Variants in ZNF414 observed in about 807,000 individuals in gnomAD.
The protein encoded by ZNF414 is zinc finger protein 414.
Under a neutral mutation model 38.3 loss-of-function variants are expected in ZNF414, and 32 were observed. That is an observed-to-expected ratio of 0.83 (90% CI 0.63 to 1.12). The LOEUF (loss-of-function observed/expected upper bound fraction) is 1.12. Ranked by LOEUF, ZNF414 falls within the 50% of genes most tolerant of loss-of-function variation. The pLI is 0.00. For missense variants in ZNF414, 589 were observed against 557.4 expected (o/e 1.06, Z -0.57); for synonymous variants, 256 against 248.0 (o/e 1.03, Z -0.30).
chr19:8,511,082 G>T, intron 6 of ZNF414, 58 bp from the exon 7 acceptor site: 1 of 1,285,204 alleles, frequency 7.8e-7, no homozygotes, highest in Non-Finnish European at 9.8e-7. Flanking sequence ...AGACCCGTGC[G>T]CCAAGGATGG....
At position 8,510,593 on chromosome 19, in the gene ZNF414, C is replaced by G; in HGVS notation, c.*98G>C. ...GAACACAGCATAGGCTGGCTCATGG[C>G]GCCTTCTTTATTGTCCACCCCAGCC... On this transcript the variant is annotated 3_prime_UTR_variant, in exon 8 of 8. Coordinates refer to ENST00000393927, the MANE Select transcript of ZNF414 (RefSeq NM_001146175.2). 5 of 1,349,412 alleles carry G rather than the reference C, an allele frequency of 3.7e-6. No homozygotes were observed. In the South Asian group the frequency reaches 6.9e-5, roughly 19 times the overall value. 83.6% of individuals were successfully genotyped at this position (1,349,412 alleles called of 1,614,324 possible).
At position 8,511,651 on chromosome 19, in the gene ZNF414, C is replaced by T. The variant is rs754032186; in HGVS notation, c.840G>A (p.Pro280=). 1.3e-5 allele frequency: 19 copies of T among 1,502,426 alleles called. No individual in the cohort carries two copies. Among genetic ancestry groups the T allele is most frequent in the African/African-American group, 2.8e-5 (2 of 70,754 alleles). 93.1% of individuals were successfully genotyped at this position (1,502,426 alleles called of 1,614,324 possible). The change falls in exon 5 of 8, where the codon CCG becomes CCA. Residue 280 remains proline (P), a synonymous_variant. Coordinates refer to ENST00000393927, the MANE Select transcript of ZNF414 (RefSeq NM_001146175.2). ...TTTTCCAGACGGCGGCGCTGGAAGC[C>T]GGCGGCCCGGGTGCAGCGGCCAGGA... ...RPFLAAAPGP[P]ASSAAVWKKS...
Position 8,514,071 on chromosome 19 carries a change from T to A in ZNF414, c.-25A>T. On this transcript the variant is annotated 5_prime_UTR_variant, in exon 1 of 8. Coordinates refer to ENST00000393927, the MANE Select transcript of ZNF414 (RefSeq NM_001146175.2). ...TCTTCGACACGGCTCGGCCTCTTGT[T>A]TCTGCGGCTCCGGCGGCTGCAGCTT... 6.8e-7 allele frequency: 1 copy of A among 1,472,380 alleles called. No homozygotes were observed. Among genetic ancestry groups the A allele is most frequent in the Non-Finnish European group, 9.0e-7 (1 of 1,112,660 alleles). 91.2% of individuals were successfully genotyped at this position (1,472,380 alleles called of 1,614,324 possible).
At chr19:8,510,803 G>T (rs1173226838) in intron 7 of ZNF414, 39 bp from the exon 8 acceptor site, 1 of 1,505,434 alleles carries the variant, frequency 6.6e-7, no homozygotes, top group Non-Finnish European at 8.9e-7. Flanking sequence ...GAGCCTCAGC[G>T]CCTTGGGCCC....
rs1971953486 is a variant in ZNF414 at position 8,513,904 on chromosome 19, G to T, written c.3+140C>A. 2.8e-6 allele frequency: 3 copies of T among 1,076,316 alleles called. No individual in the cohort carries two copies. In the East Asian group the frequency reaches 9.7e-5, roughly 35 times the overall value. The allele number at this position is 1,076,316 out of a possible 1,614,324, so 66.7% of individuals were successfully genotyped here. ...ATTCCGGGCCGGGCCCGGAAGTAGG[G>T]CGCTCTCCGAGTGACAGCCAGCGGC... On this transcript the variant is annotated intron_variant, in intron 1 of 7. Transcript: ENST00000393927.
In ZNF414 at chr19:8,512,192, G is replaced by A. The variant is rs1434367927; in HGVS notation, c.530+195C>T. On this transcript the variant is annotated intron_variant, in intron 4 of 7. Coordinates refer to ENST00000393927, the MANE Select transcript of ZNF414 (RefSeq NM_001146175.2). Reference sequence around the variant, plus strand: ...TAGGCGGCCGGTTTTCCACTTGGGAGGTAAAGCCTGGCTGGGTGGGGCCAC... The same window carrying A: ...TAGGCGGCCGGTTTTCCACTTGGGAAGTAAAGCCTGGCTGGGTGGGGCCAC... 29 of 1,431,478 alleles carry A rather than the reference G, an allele frequency of 2.0e-5. 1 individual carries two copies. The South Asian group carries it at 3.5e-4, about 17-fold the overall frequency. The allele number at this position is 1,431,478 out of a possible 1,614,324, so 88.7% of individuals were successfully genotyped here.
At position 8,511,748 on chromosome 19, in the gene ZNF414, G is replaced by T; in HGVS notation, c.743C>A (p.Ala248Asp). The T allele has an allele frequency of 6.2e-6, 9 of 1,454,770 alleles. No homozygotes were observed. Among genetic ancestry groups the T allele is most frequent in the Non-Finnish European group, 8.1e-6 (9 of 1,111,370 alleles). The allele number at this position is 1,454,770 out of a possible 1,614,324, so 90.1% of individuals were successfully genotyped here. Residue 248 changes from alanine to aspartate, a missense_variant, in exon 5 of 8, where the codon GCC (alanine) becomes GAC (aspartate). Physicochemically the swap from Ala to Asp is moderately radical, Grantham distance 126. Transcript: ENST00000393927. ...LLEPFTTPAP[A>D]PTGPFLPYLN... ...GTAGGGCAGGAACGGTCCGGTGGGG[G>T]CAGGGGCGGGGGTCGTGAAGGGTTC...
At chr19:8,511,992 G>T (rs1041996441) in intron 4 of ZNF414, 32 bp from the exon 5 acceptor site, 1 of 1,401,222 alleles carries the variant, frequency 7.1e-7, no homozygotes, top group South Asian at 1.7e-5. Flanking sequence ...GGCTGGGCTG[G>T]GCCTCCAGGG....
rs1263550284 is a variant in ZNF414, at chr19:8,512,431, C to T, written c.486G>A (p.Leu162=). 1 of 1,614,138 alleles carries T rather than the reference C, an allele frequency of 6.2e-7. No homozygotes were observed. The highest frequency in any genetic ancestry group is 1.3e-5 in the African/African-American group (1 of 75,034). The change falls in exon 4 of 8, where the codon CTG becomes CTA. Residue 162 remains leucine (L), a synonymous_variant. Transcript: ENST00000393927. ...CTETFPSMQE[L]VAHSKLHYKP... The stretch of plus-strand genomic sequence containing the variant: ...TGTAGTGCAGTTTGCTGTGAGCCAC[C>T]AGCTCCTGCATGCTGGGGAAGGTCT...
intron 6 of ZNF414, 135 bp from the exon 7 acceptor site, chr19:8,511,159 T>C: frequency 7.8e-7 from 1 of 1,286,850 alleles, no homozygotes; most frequent in Non-Finnish European, 9.8e-7. Context: ...CCTAGTTCAG[T>C]TTCTCCCGGG....
chr19:8,510,617 C>G lies in ZNF414; in HGVS notation c.*74G>C. On this transcript the variant is annotated 3_prime_UTR_variant, in exon 8 of 8. Transcript: ENST00000393927. ...GCGCCTTCTTTATTGTCCACCCCAG[C>G]CCCCCTTCCCTGCAGCCCCCTCCAA... The G allele has an allele frequency of 5.9e-6, 8 of 1,362,032 alleles. No homozygotes were observed. The highest frequency in any genetic ancestry group is 1.5e-5 in the African/African-American group (1 of 68,262). 84.4% of individuals were successfully genotyped at this position (1,362,032 alleles called of 1,614,324 possible).
Position 8,513,331 on chromosome 19 carries a change from G to T in ZNF414, c.14C>A (p.Pro5His). 1 of 1,589,230 alleles carries T rather than the reference G, an allele frequency of 6.3e-7. No individual in the cohort carries two copies. ...CAGCATGTCTGGGATGGGCCCTGAGGGTTTCTCCTCCTGGTGGAAGGAAGA... is the reference window on the plus strand; with the variant it reads ...CAGCATGTCTGGGATGGGCCCTGAGTGTTTCTCCTCCTGGTGGAAGGAAGA... MEEK[P>H]SGPIPDMLAT... Residue 5 changes from proline (P) to histidine (H), a missense_variant, in exon 2 of 8, where the codon CCC (proline) becomes CAC (histidine). Pro to His is a moderately conservative substitution (Grantham distance 77, BLOSUM62 -2). Coordinates refer to ENST00000393927, the MANE Select transcript of ZNF414 (RefSeq NM_001146175.2).
intron 6 of ZNF414, chr19:8,511,247 G>C: frequency 7.3e-7 from 1 of 1,375,846 alleles, no homozygotes; most frequent in South Asian, 1.6e-5. Context: ...TTCACTGTTG[G>C]GGAGAAGCCC....
At chr19:8,511,564 GAGTC>G in intron 5 of ZNF414, 28 bp from the exon 6 acceptor site, 1 of 1,569,472 alleles carries the variant, frequency 6.4e-7, no homozygotes, top group East Asian at 2.3e-5. Context: ...GTCAAGTTCA[GAGTC>G]AGGGCGAGCC....
Position 8,511,774 on chromosome 19 carries a change from C to A in ZNF414, c.717G>T (p.Leu239=), listed in dbSNP as rs1971918604. The A allele has an allele frequency of 7.0e-7, 1 of 1,426,706 alleles. No individual in the cohort carries two copies. The highest frequency in any genetic ancestry group is 2.7e-5 in the East Asian group (1 of 36,954). 88.4% of individuals were successfully genotyped at this position (1,426,706 alleles called of 1,614,324 possible). ...CAGGGGCGGGGGTCGTGAAGGGTTC[C>A]AGCAGCGGGAACGGCAGGCCCGGCG... ...ASAPGLPFPL[L]EPFTTPAPAP... is the part of the protein sequence containing the mutation. The change falls in exon 5 of 8, where the codon CTG becomes CTT. Residue 239 remains leucine, a synonymous_variant. Transcript: ENST00000393927.
chr19:8,512,394 A>G lies in ZNF414; in HGVS notation c.523T>C (p.Tyr175His). 6.2e-7 allele frequency: 1 copy of G among 1,614,082 alleles called. No individual in the cohort carries two copies. Among genetic ancestry groups the G allele is most frequent in the South Asian group, 1.1e-5 (1 of 91,082 alleles). ...HSKLHYKPNR[Y>H]FKCENCLLRF... ...AAGAGGTCAGGGTCTCACTTGAAGT[A>G]GCGATTGGGTTTGTAGTGCAGTTTG... The change falls in exon 4 of 8, where the codon TAC becomes CAC. Residue 175 changes from tyrosine (Y) to histidine (H), a missense_variant. Transcript: ENST00000393927.
At position 8,510,707 on chromosome 19, in the gene ZNF414, A is replaced by C. The variant is rs1971900484; in HGVS notation, c.1157T>G (p.Val386Gly). Residue 386 changes from valine to glycine, a missense_variant, in exon 8 of 8, where the codon GTG becomes GGG. Transcript: ENST00000393927. ...SPLLSEGELP[V>G]FSQL is the part of the protein sequence containing the mutation. ...CGGCGGGATTCAGAGCTGCGAGAAC[A>C]CTGGAAGCTCCCCCTCTGACAGCAG... The C allele has an allele frequency of 1.3e-5, 20 of 1,547,132 alleles. No homozygotes were observed. Among genetic ancestry groups the C allele is most frequent in the Non-Finnish European group, 1.7e-5 (20 of 1,144,456 alleles).
Position 8,511,937 on chromosome 19 carries a change from A to C in ZNF414, c.554T>G (p.Phe185Cys). Residue 185 changes from phenylalanine (F) to cysteine (C), a missense_variant, in exon 5 of 8, where the codon TTC (phenylalanine) becomes TGC (cysteine). By Grantham distance (205) the Phe-to-Cys change is radical. Transcript: ENST00000393927. ...CTTGAAGAGCGAGCGGTGCGTGCGG[A>C]AGCGCAGGAGGCAGTTCTCACACCT... is the stretch of plus-strand genomic sequence containing the variant. Reference protein sequence around the residue: ...YFKCENCLLRFRTHRSLFKHL... With the variant: ...YFKCENCLLRCRTHRSLFKHL... 1 of 1,421,782 alleles carries C rather than the reference A, an allele frequency of 7.0e-7. No homozygotes were observed. The highest frequency in any genetic ancestry group is 9.1e-7 in the Non-Finnish European group (1 of 1,096,810). 88.1% of individuals were successfully genotyped at this position (1,421,782 alleles called of 1,614,324 possible).
chr19:8,510,755 G>A lies in ZNF414; in HGVS notation c.1109C>T (p.Pro370Leu), dbSNP rs376259901. The A allele has an allele frequency of 6.5e-5, 101 of 1,549,432 alleles. No individual in the cohort carries two copies. The African/African-American group carries it at 1.2e-3, about 19-fold the overall frequency. The change falls in exon 8 of 8, where the codon CCG (proline) becomes CTG (leucine). Residue 370 changes from proline (P) to leucine (L), a missense_variant. Coordinates refer to ENST00000393927, the MANE Select transcript of ZNF414 (RefSeq NM_001146175.2). ...PRPDAPADPA[P>L]LAPKVSPLLS... ...CAGCGGCGACACCTTGGGTGCAAGC[G>A]GGGCCGGATCTGGGTGGGGCAGAGG...
Sources: gnomAD v4.1 joint callset for allele counts on GRCh38, gnomAD v4.1.1 for gene constraint, MANE v1.5 for transcripts, NCBI Gene and HGNC (gene_info 2026-07-23, HGNC 2026-07-21) for gene names.